Variants in CAMK2G observed in about 807,000 individuals in gnomAD.
The protein encoded by CAMK2G is calcium/calmodulin-dependent protein kinase type II subunit gamma.
In CAMK2G, 23 loss-of-function variants were observed where a neutral mutation model predicts 88.7. That is an observed-to-expected ratio of 0.26 (90% confidence interval 0.19 to 0.37). The LOEUF (loss-of-function observed/expected upper bound fraction) is 0.37, where lower values mean the gene tolerates loss of function less well. Ranked by LOEUF, CAMK2G falls within the 10% of genes least tolerant of loss-of-function variation. The pLI is 1.00. For synonymous variants in CAMK2G, 263 were observed against 294.8 expected, an observed-to-expected ratio of 0.89 and a Z score of 1.11; for missense variants, 476 against 780.8, an observed-to-expected ratio of 0.61 and a Z score of 4.65.
rs1028164421 is a variant in CAMK2G, at chr10:73,829,590, G to A, written c.1054-1469C>T. 1.8e-4 allele frequency among the ~76,000 whole-genome samples: 27 copies of A among 151,884 alleles called. 1 individual carries two copies. Among genetic ancestry groups the A allele is most frequent in the African/African-American group, 2.4e-4 (10 of 41,336 alleles). On this transcript the variant is annotated intron_variant, in intron 14 of 22. Coordinates refer to ENST00000423381, the MANE Select transcript of CAMK2G (RefSeq NM_001367534.1). ...GCTGGGATTACAAGCGTGAGCCACC[G>A]CACACAGCCTTACAGTGGCCTTTTA...
At position 73,817,015 on chromosome 10, in the gene CAMK2G, C is replaced by T; in HGVS notation, c.1534+8G>A. On this transcript the variant is annotated splice_region_variant and intron_variant, in intron 21 of 22. Coordinates refer to ENST00000423381, the MANE Select transcript of CAMK2G (RefSeq NM_001367534.1). The stretch of plus-strand genomic sequence containing the variant: ...GCAGGAGTATATCAGCAGCACGAAC[C>T]CACTCACGATTCTCAAAGTAAAACT... 1.2e-6 allele frequency: 2 copies of T among 1,614,064 alleles called. No homozygotes were observed. The highest frequency in any genetic ancestry group is 1.7e-6 in the Non-Finnish European group (2 of 1,179,984).
At chr10:73,849,194 C>G (rs1325415894) in intron 6 of CAMK2G, 67 bp downstream of exon 6, 8 of 1,562,070 alleles carry the variant, frequency 5.1e-6, no homozygotes, top group Non-Finnish European at 5.3e-6. Flanking sequence ...TACGCAGTAC[C>G]ACTATCTGGC....
At chr10:73,853,869 G>A (rs2094826074) in intron 3 of CAMK2G, among the ~76,000 whole-genome samples, 1 of 152,240 alleles carries the variant, frequency 6.6e-6, no homozygotes, top group Admixed American at 6.5e-5. Flanking sequence ...CATTTATCAA[G>A]CACCTACTAT....
At chr10:73,864,616 A>C (rs979675390) in intron 2 of CAMK2G, among the ~76,000 whole-genome samples, 4 of 152,142 alleles carry the variant, frequency 2.6e-5, no homozygotes, top group African/African-American at 9.7e-5. Flanking sequence ...TTATCTTGGG[A>C]AAGAGGTTCC....
At chr10:73,867,261 T>C (rs1178503469) in intron 2 of CAMK2G, among the ~76,000 whole-genome samples, 1 of 152,188 alleles carries the variant, frequency 6.6e-6, no homozygotes, top group Non-Finnish European at 1.5e-5. Flanking sequence ...AAATGCCCTA[T>C]AGCGAAAAGG....
chr10:73,834,743 G>A (rs541385443), intron 14 of CAMK2G, among the ~76,000 whole-genome samples: 2 of 152,292 alleles, frequency 1.3e-5, no homozygotes, highest in African/African-American at 4.8e-5. Flanking sequence ...ATTCCAAGCT[G>A]GGCCCTGGAT....
chr10:73,830,520 G>A (rs553404532), intron 14 of CAMK2G, among the ~76,000 whole-genome samples: 113 of 152,328 alleles, frequency 7.4e-4, no homozygotes, highest in African/African-American at 2.1e-3. Context: ...CTGGAAAAGC[G>A]TTCAAACCTC....
chr10:73,847,830 C>A (rs1245504802), intron 9 of CAMK2G, among the ~76,000 whole-genome samples, 158 bp downstream of exon 9: 1 of 151,994 alleles, frequency 6.6e-6, no homozygotes, highest in African/African-American at 2.4e-5. Flanking sequence ...CATAGAGTGG[C>A]AAGAATTGGG....
In CAMK2G at chr10:73,839,605, AG is replaced by A; in HGVS notation, c.947-5del. 8.1e-7 allele frequency: 1 copy of A among 1,231,814 alleles called. No homozygotes were observed. The highest frequency in any genetic ancestry group is 1.0e-6 in the Non-Finnish European group (1 of 986,044). The allele number at this position is 1,231,814 out of a possible 1,614,324, so 76.3% of individuals were successfully genotyped here. A position where few individuals can be genotyped will look rare whatever the true frequency, so the allele number is the denominator to read the frequency against. On this transcript the variant is annotated splice_region_variant and splice_polypyrimidine_tract_variant and intron_variant, in intron 12 of 22. Coordinates refer to ENST00000423381, the MANE Select transcript of CAMK2G (RefSeq NM_001367534.1). The surrounding 1 kb of genome is among the most constrained non-coding windows in gnomAD (Gnocchi z 4.2). ...GGGGCGGAGCTCTGCCTGCCAACTG[AG>A]GGGATACAGTCTCTCAGTGCACAGA...
intron 15 of CAMK2G, among the ~76,000 whole-genome samples, 179 bp from the exon 16 acceptor site, chr10:73,825,526 G>A (rs1163825945): frequency 1.3e-5 from 2 of 152,094 alleles, no homozygotes; most frequent in African/African-American, 4.8e-5. Context: ...GTATTTGTGG[G>A]GCCCAGAGAC....
At chr10:73,838,589 C>T (rs943533243) in intron 13 of CAMK2G, among the ~76,000 whole-genome samples, 1 of 152,224 alleles carries the variant, frequency 6.6e-6, no homozygotes, top group Non-Finnish European at 1.5e-5. Context: ...AGCCATTCCT[C>T]CCCAAGCTGT....
At chr10:73,820,955 G>A (rs992563145) in intron 18 of CAMK2G, among the ~76,000 whole-genome samples, 3 of 151,780 alleles carry the variant, frequency 2.0e-5, no homozygotes, top group Non-Finnish European at 4.4e-5. Context: ...GATTACAGGC[G>A]TGAGCCACTA....
At chr10:73,861,348 T>C (rs2095363663) in intron 2 of CAMK2G, among the ~76,000 whole-genome samples, 1 of 152,110 alleles carries the variant, frequency 6.6e-6, no homozygotes, top group South Asian at 2.1e-4. Context: ...TGGTCCAGGG[T>C]GTCCAGAATC....
chr10:73,818,602 G>A, intron 19 of CAMK2G: 1 of 437,476 alleles, frequency 2.3e-6, no homozygotes, highest in South Asian at 1.6e-5. Flanking sequence ...AGTTGGGACA[G>A]GGCAGCGCAG....
intron 3 of CAMK2G, among the ~76,000 whole-genome samples, chr10:73,857,865 G>T (rs759902213): frequency 2.0e-5 from 3 of 152,200 alleles, no homozygotes; most frequent in Non-Finnish European, 4.4e-5. Context: ...TTGTTTGTTT[G>T]TTTGTTTTTA....
At chr10:73,822,441 T>C (rs2089255543) in intron 17 of CAMK2G, among the ~76,000 whole-genome samples, 1 of 152,168 alleles carries the variant, frequency 6.6e-6, no homozygotes, top group South Asian at 2.1e-4. Flanking sequence ...GTGCAGGGAT[T>C]ACGGGCGTGA....
chr10:73,860,264 G>C (rs898916706), intron 3 of CAMK2G, among the ~76,000 whole-genome samples: 18 of 152,338 alleles, frequency 1.2e-4, no homozygotes, highest in African/African-American at 3.4e-4. Context: ...GTCAGGGTGG[G>C]AGCAGGGAGA....
At chr10:73,863,070 A>G (rs1007552791) in intron 2 of CAMK2G, among the ~76,000 whole-genome samples, 3 of 152,228 alleles carry the variant, frequency 2.0e-5, no homozygotes, top group Non-Finnish European at 2.9e-5. Context: ...ACTAGAAGAA[A>G]TTCACATTTA....
Position 73,842,297 on chromosome 10 carries a change from G to T in CAMK2G, c.904-86C>A. 7.9e-7 allele frequency: 1 copy of T among 1,262,618 alleles called. No individual in the cohort carries two copies. Among genetic ancestry groups the T allele is most frequent in the Non-Finnish European group, 1.2e-6 (1 of 859,626 alleles). The allele number at this position is 1,262,618 out of a possible 1,614,324, so 78.2% of individuals were successfully genotyped here. Reference sequence around the variant, plus strand: ...CAGGCAAAGGCAGGTCCTGGCTAGAGCCTGAAGACATCAGGCCTCTGGGCC... The same window carrying T: ...CAGGCAAAGGCAGGTCCTGGCTAGATCCTGAAGACATCAGGCCTCTGGGCC... On this transcript the variant is annotated intron_variant, in intron 11 of 22. Coordinates refer to ENST00000423381, the MANE Select transcript of CAMK2G (RefSeq NM_001367534.1). The surrounding 1 kb of genome is among the most constrained non-coding windows in gnomAD (Gnocchi z 4.6).
Sources: allele counts gnomAD v4.1 joint callset (sites outside exome capture counted in the v4.1 genomes callset), GRCh38; gene constraint gnomAD v4.1.1; non-coding constraint Gnocchi (gnomAD v3.1); transcripts MANE v1.5; gene names NCBI Gene and HGNC (gene_info 2026-07-23, HGNC 2026-07-21).